NHSL1: variants seen among roughly 807,000 people sequenced by gnomAD.
NHSL1 encodes the protein NHS-like protein 1.
NHSL1 carries 48 observed loss-of-function variants against 95.0 expected under a neutral mutation model. That is an observed-to-expected ratio of 0.51 (90% CI 0.40 to 0.64). The LOEUF is 0.64. NHSL1 is among the 30% of genes least tolerant of loss of function. The pLI is 0.00. For missense variants in NHSL1, 1,971 were observed against 2,077.7 expected, an observed-to-expected ratio of 0.95 and a Z score of 1.00; for synonymous variants, 783 against 833.9, an observed-to-expected ratio of 0.94 and a Z score of 1.05.
At chr6:138,681,073 C>A (rs141524161) in intron 1 of NHSL1, among the ~76,000 whole-genome samples, 1 of 152,000 alleles carries the variant, frequency 6.6e-6, no homozygotes, top group Non-Finnish European at 1.5e-5. Context: ...CTAACAACAA[C>A]GAAATGTAAC....
intron 1 of NHSL1, among the ~76,000 whole-genome samples, chr6:138,537,655 A>C (rs1782412550): frequency 1.3e-5 from 2 of 152,184 alleles, no homozygotes; most frequent in South Asian, 4.1e-4. Flanking sequence ...ATCTTTACTC[A>C]AGGGATAAGA....
intron 1 of NHSL1, among the ~76,000 whole-genome samples, chr6:138,643,472 G>A (rs1583463326): frequency 1.3e-5 from 2 of 152,150 alleles, no homozygotes. Flanking sequence ...ATAATAATGT[G>A]TATCCACTAT....
At chr6:138,608,165 C>A (rs1275670430) in intron 1 of NHSL1, among the ~76,000 whole-genome samples, 1 of 152,236 alleles carries the variant, frequency 6.6e-6, no homozygotes, top group African/African-American at 2.4e-5. Context: ...GAGGATAAAT[C>A]TTACTAAATG....
At chr6:138,519,142 A>C (rs183582937) in intron 1 of NHSL1, among the ~76,000 whole-genome samples, 89 of 152,228 alleles carry the variant, frequency 5.8e-4, no homozygotes, top group African/African-American at 2.0e-3. Context: ...TCTGAGCACC[A>C]CTGCGTAAAT....
chr6:138,677,686 G>A (rs80092689), intron 1 of NHSL1, among the ~76,000 whole-genome samples: 120 of 152,270 alleles, frequency 7.9e-4, no homozygotes, highest in African/African-American at 2.6e-3. Flanking sequence ...AGGTGTCTAC[G>A]CAGATTCAGT....
At chr6:138,632,363 C>T (rs1315280446) in intron 1 of NHSL1, among the ~76,000 whole-genome samples, 2 of 152,170 alleles carry the variant, frequency 1.3e-5, no homozygotes, top group African/African-American at 2.4e-5. Flanking sequence ...ACCCCAAGGC[C>T]TTGAGTGAAC....
rs184731495 is a variant in NHSL1, at chr6:138,561,267, C to T, written c.202+10443G>A. Among the ~76,000 whole-genome samples the T allele has an allele frequency of 5.3e-5, 8 of 152,304 alleles. No homozygotes were observed. In the East Asian group the frequency reaches 1.5e-3, roughly 29 times the overall value. On this transcript the variant is annotated intron_variant, in intron 1 of 6. Transcript: ENST00000427025. ...ACCAAGCTCCCACAAACCACAATTACTTAGGGGATGGGAATCCAAAAAGTC... is the reference window on the plus strand; with the variant it reads ...ACCAAGCTCCCACAAACCACAATTATTTAGGGGATGGGAATCCAAAAAGTC...
At chr6:138,607,392 T>C (rs901284899) in intron 1 of NHSL1, among the ~76,000 whole-genome samples, 1 of 152,188 alleles carries the variant, frequency 6.6e-6, no homozygotes, top group Non-Finnish European at 1.5e-5. Context: ...CAGATTAGCC[T>C]TGAAACAAGT....
At chr6:138,488,888 T>C (rs1779871612) in intron 2 of NHSL1, among the ~76,000 whole-genome samples, 1 of 152,158 alleles carries the variant, frequency 6.6e-6, no homozygotes, top group African/African-American at 2.4e-5. Context: ...TTAACTTCTC[T>C]GGGTCTTGCT....
intron 1 of NHSL1, among the ~76,000 whole-genome samples, chr6:138,653,338 G>A (rs1038950148): frequency 2.6e-5 from 4 of 152,044 alleles, no homozygotes; most frequent in African/African-American, 7.2e-5. Flanking sequence ...GGTGGATCAC[G>A]AGGTCAAGGG....
intron 4 of NHSL1, among the ~76,000 whole-genome samples, chr6:138,446,546 TCTC>T (rs1461233868): frequency 2.0e-5 from 3 of 152,200 alleles, no homozygotes; most frequent in Non-Finnish European, 4.4e-5. Context: ...ATAAGTAATG[TCTC>T]CTTTTTTCTA....
At chr6:138,576,819 A>G (rs1020320816), upstream of NHSL1, among the ~76,000 whole-genome samples, 30 of 152,206 alleles carry the variant, frequency 2.0e-4, no homozygotes, top group African/African-American at 7.0e-4. Context: ...TTTATGATCA[A>G]TTGCATCTTT....
intron 1 of NHSL1, among the ~76,000 whole-genome samples, chr6:138,590,061 G>A (rs983725562): frequency 6.6e-6 from 1 of 152,184 alleles, no homozygotes. Flanking sequence ...CCAGCAGTGC[G>A]ATCTCGGCTC....
Position 138,430,886 on chromosome 6 carries a change from C to T in NHSL1, c.3459G>A (p.Ala1153=), listed in dbSNP as rs1289496579. Residue 1153 remains alanine (A), a synonymous_variant, in exon 6 of 8, where the codon GCG becomes GCA. Coordinates refer to ENST00000343505, the MANE Select transcript of NHSL1 (RefSeq NM_001144060.2). The surrounding 1 kb of genome is among the most constrained non-coding windows in gnomAD (Gnocchi z 4.7). ...GGCTCACAGGGCCACCACGCTCAGC[C>T]GCACTGCCATGGTCACCCTGACTCG... ...KSSSQGDHGS[A]AERGGPVSRS... The T allele has an allele frequency of 6.4e-6, 10 of 1,551,296 alleles. No individual in the cohort carries two copies. The highest frequency in any genetic ancestry group is 7.8e-6 in the Non-Finnish European group (9 of 1,146,900).
intron 2 of NHSL1, among the ~76,000 whole-genome samples, chr6:138,489,068 TG>T (rs1237758246): frequency 6.6e-6 from 1 of 152,176 alleles, no homozygotes; most frequent in African/African-American, 2.4e-5. Context: ...CATCAGAAGG[TG>T]TTCCTTGTTC....
At chr6:138,512,256 G>A (rs117490169) in intron 1 of NHSL1, 35,379 of 453,638 alleles carry the variant, frequency 0.078, 2,035 homozygotes, top group Non-Finnish European at 0.11. Flanking sequence ...TATTACAACT[G>A]CTTTCTGAAG....
intron 1 of NHSL1, among the ~76,000 whole-genome samples, chr6:138,677,560 T>G (rs6570261): frequency 0.61 from 93,334 of 152,002 alleles, 30,475 homozygotes; most frequent in East Asian, 0.92. Context: ...AATGAAGCGT[T>G]AGTTCTTAAG....
At chr6:138,577,471 C>T (rs560227913), upstream of NHSL1, among the ~76,000 whole-genome samples, 3 of 152,278 alleles carry the variant, frequency 2.0e-5, no homozygotes, top group South Asian at 4.2e-4. Flanking sequence ...GGATTGCAAG[C>T]GCCGCTGGGG....
At chr6:138,572,884 T>C (rs901506458), upstream of NHSL1, among the ~76,000 whole-genome samples, 4 of 151,880 alleles carry the variant, frequency 2.6e-5, no homozygotes, top group Non-Finnish European at 5.9e-5. Context: ...GATAGATAGA[T>C]AGATACATCC....
Sources: gnomAD v4.1 joint callset for allele counts (sites outside exome capture counted in the v4.1 genomes callset) on GRCh38, gnomAD v4.1.1 for gene constraint, Gnocchi (gnomAD v3.1) non-coding constraint, MANE v1.5 for transcripts, NCBI Gene and HGNC (gene_info 2026-07-23, HGNC 2026-07-21) for gene names.